The following IQCK variants were observed in gnomAD, a reference collection of about 807,000 sequenced individuals.
IQCK encodes the protein IQ motif containing K, also known as IQ domain-containing protein K.
Under a neutral mutation model 28.1 loss-of-function variants are expected in IQCK, and 29 were observed. The observed-to-expected ratio is 1.03, with a 90% confidence interval of 0.77 to 1.41. The LOEUF (loss-of-function observed/expected upper bound fraction) is 1.41. Among genes scored for constraint, IQCK ranks in the 40% most tolerant of loss-of-function variants. The probability of loss-of-function intolerance (pLI) is 0.00; values close to 1 mark genes in which losing one functional copy is unlikely to be tolerated. For missense variants in IQCK, 359 were observed against 314.7 expected, an observed-to-expected ratio of 1.14 and a Z score of -1.07; for synonymous variants, 113 against 115.1, an observed-to-expected ratio of 0.98 and a Z score of 0.12.
At chr16:19,797,382 G>A (rs183436039) in intron 7 of IQCK, among the ~76,000 whole-genome samples, 7 of 100,878 alleles carry the variant, frequency 6.9e-5, no homozygotes, top group Non-Finnish European at 1.2e-4. Context: ...TATTTATTCC[G>A]TCTAAATAAG....
intron 1 of IQCK, among the ~76,000 whole-genome samples, chr16:19,729,448 C>T (rs951228317): frequency 1.1e-4 from 17 of 151,794 alleles, no homozygotes; most frequent in African/African-American, 3.4e-4. Flanking sequence ...CATGTGCTCT[C>T]GGTGTCTTCC....
At chr16:19,762,596 T>C (rs1256231120) in intron 4 of IQCK, among the ~76,000 whole-genome samples, 3 of 152,202 alleles carry the variant, frequency 2.0e-5, no homozygotes, top group Non-Finnish European at 4.4e-5. Flanking sequence ...TTCACGCGTA[T>C]TTCATCTAAC....
intron 7 of IQCK, among the ~76,000 whole-genome samples, chr16:19,802,795 G>C (rs151217980): frequency 6.6e-6 from 1 of 152,110 alleles, no homozygotes; most frequent in Non-Finnish European, 1.5e-5. Flanking sequence ...GGCTCCATGC[G>C]TTTGCTGTTG....
At chr16:19,799,706 A>G (rs940255112) in intron 7 of IQCK, among the ~76,000 whole-genome samples, 1 of 112,642 alleles carries the variant, frequency 8.9e-6, no homozygotes, top group African/African-American at 5.0e-5. Context: ...CCTCTCCTAT[A>G]TATTCAGTGA....
chr16:19,839,407 C>T lies in IQCK; in HGVS notation c.802+12270C>T, dbSNP rs574217707. On this transcript the variant is annotated intron_variant, in intron 9 of 9. Coordinates refer to the IQCK transcript ENST00000320394. Reference sequence around the variant, plus strand: ...AACTCCTGACCACAAGTGATCCACCCTCCTCGGCTTCCCAAAGTGCTGGGA... The same window carrying T: ...AACTCCTGACCACAAGTGATCCACCTTCCTCGGCTTCCCAAAGTGCTGGGA... Among the ~76,000 whole-genome samples, 25 of 152,128 alleles carry T rather than the reference C, an allele frequency of 1.6e-4. 1 individual carries two copies. The highest frequency in any genetic ancestry group is 5.8e-4 in the African/African-American group (24 of 41,550).
chr16:19,737,720 C>G lies in IQCK; in HGVS notation c.474+2270C>G, dbSNP rs2054777348. 2.6e-5 allele frequency among the ~76,000 whole-genome samples: 4 copies of G among 152,114 alleles called. 1 individual carries two copies. In the South Asian group the frequency reaches 8.3e-4, roughly 32 times the overall value. On this transcript the variant is annotated intron_variant, in intron 4 of 7. Coordinates refer to ENST00000564186, the Ensembl canonical transcript of IQCK. ...TGTTCATTGGTTCCTTCCTTCCTTT[C>G]TCCCTCCGTCTCTCCCCCGCAGTGC... is the stretch of plus-strand genomic sequence containing the variant.
At chr16:19,835,804 C>T (rs1476033597) in intron 9 of IQCK, among the ~76,000 whole-genome samples, 3 of 152,010 alleles carry the variant, frequency 2.0e-5, no homozygotes, top group Admixed American at 1.3e-4. Flanking sequence ...AGGCTGGTCT[C>T]GAACTCCTGA....
intron 6 of IQCK, among the ~76,000 whole-genome samples, chr16:19,785,037 G>T (rs2055543606): frequency 6.6e-6 from 1 of 152,212 alleles, no homozygotes; most frequent in African/African-American, 2.4e-5. Context: ...CCAAAGTGCT[G>T]GGATTACAGG....
chr16:19,804,262 T>C (rs1294179542), intron 7 of IQCK, among the ~76,000 whole-genome samples: 1 of 151,892 alleles, frequency 6.6e-6, no homozygotes, highest in African/African-American at 2.4e-5. Context: ...GAGAATCACT[T>C]GAACCTGGGA....
At chr16:19,838,563 G>C (rs956951114) in intron 9 of IQCK, among the ~76,000 whole-genome samples, 2 of 152,144 alleles carry the variant, frequency 1.3e-5, no homozygotes, top group Non-Finnish European at 2.9e-5. Context: ...TCAAGCTGGG[G>C]CCCGGCCTAC....
chr16:19,740,786 T>C (rs1480924152), intron 4 of IQCK, among the ~76,000 whole-genome samples: 1 of 151,506 alleles, frequency 6.6e-6, no homozygotes, highest in African/African-American at 2.4e-5. Context: ...CTGGCCAACA[T>C]GGTGAAACCC....
At chr16:19,818,345 T>C (rs202095752) in intron 7 of IQCK, among the ~76,000 whole-genome samples, 1 of 152,102 alleles carries the variant, frequency 6.6e-6, no homozygotes, top group East Asian at 1.9e-4. Flanking sequence ...GACACACTAC[T>C]TTGTGTGTGT....
chr16:19,843,659 G>C (rs12051471), intron 9 of IQCK, among the ~76,000 whole-genome samples: 17 of 152,308 alleles, frequency 1.1e-4, no homozygotes, highest in Non-Finnish European at 7.3e-5. Context: ...GAGACTGTAA[G>C]TCTGAGATCA....
chr16:19,725,476 T>C (rs796335003), intron 1 of IQCK, among the ~76,000 whole-genome samples: 6 of 152,342 alleles, frequency 3.9e-5, no homozygotes, highest in African/African-American at 1.4e-4. Flanking sequence ...GGATTACAGG[T>C]GTGAGCCTGT....
At chr16:19,731,792 G>C (rs1977848747) in intron 2 of IQCK, among the ~76,000 whole-genome samples, 1 of 152,188 alleles carries the variant, frequency 6.6e-6, no homozygotes, top group Admixed American at 6.5e-5. Context: ...TCCTACATTA[G>C]GCTGTTTGCA....
rs1977992206 is a variant in IQCK, at chr16:19,735,695, G to A, written c.474+245G>A. The A allele has an allele frequency of 6.2e-6, 3 of 483,642 alleles. No individual in the cohort carries two copies. The South Asian group carries it at 6.4e-5, about 10-fold the overall frequency. The allele number at this position is 483,642 out of a possible 1,614,324, so 30.0% of individuals were successfully genotyped here. A position where few individuals can be genotyped will look rare whatever the true frequency, so the allele number is the denominator to read the frequency against. ...TTCCGCCTTGCTTGGCCTCCTGCCTGCCCTTCTCCTGTGCAGTTTGGCATC... is the reference window on the plus strand; with the variant it reads ...TTCCGCCTTGCTTGGCCTCCTGCCTACCCTTCTCCTGTGCAGTTTGGCATC... On this transcript the variant is annotated intron_variant, in intron 4 of 7. Transcript: ENST00000564186.
At position 19,811,502 on chromosome 16, in the gene IQCK, C is replaced by T. The variant is rs370903235; in HGVS notation, c.691-15524C>T. Among the ~76,000 whole-genome samples the T allele has an allele frequency of 5.3e-5, 8 of 152,178 alleles. No homozygotes were observed. The South Asian group carries it at 1.2e-3, about 24-fold the overall frequency. The stretch of plus-strand genomic sequence containing the variant: ...TTCCGTCTTTTCCAAATCTGTACTG[C>T]GATATAGTCTTATTATTAAAGGGAC... On this transcript the variant is annotated intron_variant, in intron 7 of 7. Coordinates refer to ENST00000564186, the Ensembl canonical transcript of IQCK.
intron 6 of IQCK, among the ~76,000 whole-genome samples, chr16:19,782,997 T>TTG (rs879459659): frequency 0.032 from 4,796 of 150,916 alleles, 156 homozygotes; most frequent in Admixed American, 0.099. Context: ...TCTTCTTTTT[T>TTG]TGTGTGTGTG....
chr16:19,764,151 T>C (rs576725721), intron 6 of IQCK, 39 bp downstream of exon 6: 1 of 1,478,166 alleles, frequency 6.8e-7, no homozygotes, highest in African/African-American at 1.4e-5. Context: ...TTATTCCTAA[T>C]TTAAGATTGT....
Sources: gnomAD v4.1 joint callset for allele counts (sites outside exome capture counted in the v4.1 genomes callset) on GRCh38, gnomAD v4.1.1 for gene constraint, MANE v1.5 for transcripts, NCBI Gene and HGNC (gene_info 2026-07-23, HGNC 2026-07-21) for gene names.